Variants in STOX1 observed in about 807,000 individuals in gnomAD.
The protein encoded by STOX1 is storkhead-box protein 1.
STOX1 carries 57 observed loss-of-function variants against 74.8 expected under a neutral mutation model. The observed-to-expected ratio is 0.76, with a 90% CI of 0.62 to 0.95. The LOEUF is 0.95. Ranked by LOEUF, STOX1 falls within the 40% of genes least tolerant of loss-of-function variation. The pLI is 0.00. For missense variants in STOX1, 1,010 were observed against 1,117.0 expected (o/e 0.90, Z 1.37); for synonymous variants, 375 against 401.3 (o/e 0.93, Z 0.78).
In STOX1 at chr10:68,883,296, C is replaced by T. The variant is rs1407084440; in HGVS notation, c.464-964C>T. ...AGCTACTAAATAAACGAATGTTTTCCTCAGTCACAGTTTAAATTTATAATG... is the reference window on the plus strand; with the variant it reads ...AGCTACTAAATAAACGAATGTTTTCTTCAGTCACAGTTTAAATTTATAATG... On this transcript the variant is annotated intron_variant, in intron 2 of 3. Coordinates refer to ENST00000298596, the MANE Select transcript of STOX1 (RefSeq NM_152709.5). Among the ~76,000 whole-genome samples the T allele has an allele frequency of 4.0e-5, 6 of 151,524 alleles. No individual in the cohort carries two copies. The East Asian group carries it at 9.6e-4, about 24-fold the overall frequency.
At chr10:68,893,752 T>C (rs1841146723), downstream of STOX1, among the ~76,000 whole-genome samples, 1 of 152,076 alleles carries the variant, frequency 6.6e-6, no homozygotes, top group Non-Finnish European at 1.5e-5. Flanking sequence ...AGAAGTCAGA[T>C]GGTGGAGATA....
In STOX1 at chr10:68,867,038, G is replaced by A. The variant is rs191148031; in HGVS notation, c.311-14920G>A. 3.0e-4 allele frequency among the ~76,000 whole-genome samples: 44 copies of A among 146,972 alleles called. No individual in the cohort carries two copies. In the East Asian group the frequency reaches 8.5e-3, roughly 29 times the overall value. ...TCAGTCACTGCAAGCTCCGCCTCCC[G>A]GGTTCACGCCATTTTCCAGCCTCAG... On this transcript the variant is annotated intron_variant, in intron 1 of 3. Transcript: ENST00000298596.
chr10:68,839,805 G>C (rs901772557), intron 1 of STOX1, among the ~76,000 whole-genome samples: 1 of 152,136 alleles, frequency 6.6e-6, no homozygotes, highest in Non-Finnish European at 1.5e-5. Context: ...CAGGAGATTC[G>C]CTTGAACCCA....
At chr10:68,828,521 C>T (rs1398641988) in intron 1 of STOX1, among the ~76,000 whole-genome samples, 1 of 152,134 alleles carries the variant, frequency 6.6e-6, no homozygotes, top group African/African-American at 2.4e-5. Context: ...GGGCTGAGTC[C>T]GTTCCTCAAC....
chr10:68,877,003 G>A (rs1172780621), intron 1 of STOX1, among the ~76,000 whole-genome samples: 3 of 152,138 alleles, frequency 2.0e-5, no homozygotes, highest in Admixed American at 1.3e-4. Context: ...AAGTGTTCCC[G>A]TGTCAGGGTG....
At chr10:68,878,061 C>G (rs1840722634) in intron 1 of STOX1, among the ~76,000 whole-genome samples, 1 of 152,076 alleles carries the variant, frequency 6.6e-6, no homozygotes, top group Admixed American at 6.6e-5. Context: ...GCTTCTGAGG[C>G]CTTCATTATG....
At chr10:68,854,453 C>A (rs142819503) in intron 1 of STOX1, among the ~76,000 whole-genome samples, 1 of 151,892 alleles carries the variant, frequency 6.6e-6, no homozygotes, top group Non-Finnish European at 1.5e-5. Flanking sequence ...CATGCCACCA[C>A]GCCTGGCTAA....
intron 1 of STOX1, among the ~76,000 whole-genome samples, chr10:68,859,212 T>A (rs907591197): frequency 6.6e-6 from 1 of 152,176 alleles, no homozygotes; most frequent in Admixed American, 6.5e-5. Context: ...TTCACAAGAC[T>A]TCCTTTCAGA....
intron 3 of STOX1, among the ~76,000 whole-genome samples, chr10:68,891,972 C>T (rs1841110402): frequency 6.6e-6 from 1 of 151,744 alleles, no homozygotes; most frequent in Admixed American, 6.6e-5. Flanking sequence ...AGGTGTGCAC[C>T]AGCATGCCTG....
intron 1 of STOX1, among the ~76,000 whole-genome samples, chr10:68,866,977 GCT>G (rs1310347486): frequency 2.4e-5 from 3 of 123,274 alleles, no homozygotes; most frequent in Non-Finnish European, 4.8e-5. Flanking sequence ...GCAGCCTCTT[GCT>G]CTGTCACCCA....
rs545143091 is a variant in STOX1, at chr10:68,892,621, T to C, written c.2855T>C (p.Ile952Thr). Residue 952 changes from isoleucine (I) to threonine (T), a missense_variant, in exon 4 of 4, where the codon ATT becomes ACT. Ile to Thr is a moderately conservative substitution (Grantham distance 89). Transcript: ENST00000298596. ...AGTCTGGGATCTAATAATTCAGTCA[T>C]TTTGGATGGACTAAAAAGAAGACAG... Reference protein sequence around the residue: ...TQSLGSNNSVILDGLKRRQNF... With the variant: ...TQSLGSNNSVTLDGLKRRQNF... The C allele has an allele frequency of 3.0e-5, 48 of 1,613,698 alleles. 3 individuals are homozygous for C. In the South Asian group the frequency reaches 5.3e-4, roughly 18 times the overall value.
At chr10:68,847,751 C>T (rs1203854154) in intron 1 of STOX1, among the ~76,000 whole-genome samples, 2 of 146,274 alleles carry the variant, frequency 1.4e-5, no homozygotes, top group Non-Finnish European at 1.5e-5. Flanking sequence ...TTTTTTGAGA[C>T]GGAGTTTCGC....
At chr10:68,846,608 C>T (rs761764856) in intron 1 of STOX1, among the ~76,000 whole-genome samples, 3 of 152,088 alleles carry the variant, frequency 2.0e-5, no homozygotes, top group South Asian at 4.1e-4. Flanking sequence ...TTTTCTTGAT[C>T]GATACCCCTA....
Position 68,886,483 on chromosome 10 carries a change from A to G in STOX1, c.2687A>G (p.His896Arg). ...CCTCAGAATCAGGAAATGAGAAAACATTTCCCACAAAAGTTCCAACTTTTC... is the reference window on the plus strand; with the variant it reads ...CCTCAGAATCAGGAAATGAGAAAACGTTTCCCACAAAAGTTCCAACTTTTC... ...QSPQNQEMRK[H>R]FPQKFQLFNT... Residue 896 changes from histidine to arginine, a missense_variant, in exon 3 of 4, where the codon CAT becomes CGT. Transcript: ENST00000298596. The G allele has an allele frequency of 6.2e-7, 1 of 1,613,974 alleles. No individual in the cohort carries two copies. The highest frequency in any genetic ancestry group is 8.5e-7 in the Non-Finnish European group (1 of 1,179,952).
intron 1 of STOX1, chr10:68,828,332 T>G: frequency 9.2e-7 from 1 of 1,084,228 alleles, no homozygotes. Flanking sequence ...AGCTCCGCGC[T>G]GCAGGGGCGA....
At chr10:68,873,225 C>T (rs1318340455) in intron 1 of STOX1, among the ~76,000 whole-genome samples, 1 of 149,738 alleles carries the variant, frequency 6.7e-6, no homozygotes, top group Non-Finnish European at 1.5e-5. Context: ...AGCAGGGACC[C>T]TCTTTTTAGG....
chr10:68,859,558 G>A (rs1303043743), intron 1 of STOX1, among the ~76,000 whole-genome samples: 1 of 152,064 alleles, frequency 6.6e-6, no homozygotes, highest in East Asian at 1.9e-4. Flanking sequence ...TTGAAAATAA[G>A]TATTTAGTGT....
At chr10:68,859,996 A>T (rs1840221472) in intron 1 of STOX1, among the ~76,000 whole-genome samples, 1 of 151,984 alleles carries the variant, frequency 6.6e-6, no homozygotes, top group Non-Finnish European at 1.5e-5. Flanking sequence ...GGCCTTTAAA[A>T]AAGTTTCACT....
intron 1 of STOX1, among the ~76,000 whole-genome samples, chr10:68,848,469 G>C (rs1312209028): frequency 6.6e-6 from 1 of 152,116 alleles, no homozygotes; most frequent in Non-Finnish European, 1.5e-5. Flanking sequence ...ATTTAAGAAG[G>C]GGGAGGAGGG....
Sources: allele counts gnomAD v4.1 joint callset (sites outside exome capture counted in the v4.1 genomes callset), GRCh38; gene constraint gnomAD v4.1.1; transcripts MANE v1.5; gene names NCBI Gene and HGNC (gene_info 2026-07-23, HGNC 2026-07-21).